OR9Q1: variants seen among roughly 807,000 people sequenced by gnomAD.
OR9Q1 encodes the protein olfactory receptor family 9 subfamily Q member 1.
For synonymous variants in OR9Q1, 153 were observed against 148.6 expected, an observed-to-expected ratio of 1.03 and a Z score of -0.22; for missense variants, 374 against 378.8, an observed-to-expected ratio of 0.99 and a Z score of 0.11.
chr11:58,089,977 G>C (rs1241400459), intron 2 of OR9Q1, among the ~76,000 whole-genome samples: 2 of 152,086 alleles, frequency 1.3e-5, no homozygotes. Flanking sequence ...GATTGTTTGT[G>C]ATTTTTGCAC....
At chr11:58,037,081 A>T (rs1853107084) in intron 1 of OR9Q1, among the ~76,000 whole-genome samples, 1 of 152,212 alleles carries the variant, frequency 6.6e-6, no homozygotes, top group Non-Finnish European at 1.5e-5. Context: ...GTCTTGTTTT[A>T]ATAAAGCCAC....
intron 2 of OR9Q1, chr11:58,109,767 T>C (rs1408872025): frequency 5.6e-6 from 2 of 358,042 alleles, no homozygotes; most frequent in East Asian, 1.5e-4. Context: ...TGTCCCAGCC[T>C]CTGCTCAGAG....
At chr11:58,140,512 C>T (rs1161696401) in intron 2 of OR9Q1, among the ~76,000 whole-genome samples, 1 of 152,120 alleles carries the variant, frequency 6.6e-6, no homozygotes, top group Non-Finnish European at 1.5e-5. Flanking sequence ...TATGGCTAGC[C>T]AGTTTTCCCA....
At chr11:58,147,422 C>G (rs1476693418) in intron 2 of OR9Q1, among the ~76,000 whole-genome samples, 2 of 152,112 alleles carry the variant, frequency 1.3e-5, no homozygotes, top group African/African-American at 4.8e-5. Flanking sequence ...AGAAACCACC[C>G]CTTACTGGGC....
chr11:58,144,090 C>T lies in OR9Q1; in HGVS notation c.-14-35341C>T, dbSNP rs1057427205. On this transcript the variant is annotated intron_variant, in intron 2 of 2. Transcript: ENST00000335397. ...ATGTGCACAATGTACAGGTTTGTTA[C>T]ATATGTATACATGTGCCATGTTGGT... 5.7e-4 allele frequency among the ~76,000 whole-genome samples: 87 copies of T among 151,810 alleles called. 1 individual carries two copies. The Middle Eastern group carries it at 0.01, about 18-fold the overall frequency.
In OR9Q1 at chr11:58,181,102, C is replaced by G. The variant is rs1371485545; in HGVS notation, c.*725C>G. 6.0e-6 allele frequency: 1 copy of G among 167,050 alleles called. No homozygotes were observed. The highest frequency in any genetic ancestry group is 1.5e-5 in the Non-Finnish European group (1 of 68,134). 10.3% of individuals were successfully genotyped at this position (167,050 alleles called of 1,614,324 possible). A position where few individuals can be genotyped will look rare whatever the true frequency, so the allele number is the denominator to read the frequency against. On this transcript the variant is annotated 3_prime_UTR_variant, in exon 3 of 3. Coordinates refer to ENST00000335397, the MANE Select transcript of OR9Q1 (RefSeq NM_001005212.4). Reference sequence around the variant, plus strand: ...TTTAACAATGCCTACAATAACATGTCTGTCAATTGCTATCACCTCTGGATA... The same window carrying G: ...TTTAACAATGCCTACAATAACATGTGTGTCAATTGCTATCACCTCTGGATA...
Position 58,179,439 on chromosome 11 carries a change from G to A in OR9Q1, c.-6G>A. Reference sequence around the variant, plus strand: ...CATTCTACATGTCTCAGGGACCACTGGTGTCATGGCAGAGATGAACCTCAC... The same window carrying A: ...CATTCTACATGTCTCAGGGACCACTAGTGTCATGGCAGAGATGAACCTCAC... On this transcript the variant is annotated 5_prime_UTR_variant, in exon 3 of 3. Transcript: ENST00000335397. 1 of 1,546,990 alleles carries A rather than the reference G, an allele frequency of 6.5e-7. No individual in the cohort carries two copies. The highest frequency in any genetic ancestry group is 8.7e-7 in the Non-Finnish European group (1 of 1,144,988).
intron 2 of OR9Q1, among the ~76,000 whole-genome samples, chr11:58,111,347 ACTGTGATTATT>A (rs2120110167): frequency 6.6e-6 from 1 of 152,236 alleles, no homozygotes; most frequent in East Asian, 1.9e-4. Flanking sequence ...CACTGCTTTT[ACTGTGATTATT>A]CTGTGCTTCA....
chr11:58,100,601 TTTTATA>T (rs1451528729), intron 2 of OR9Q1, among the ~76,000 whole-genome samples: 2 of 152,282 alleles, frequency 1.3e-5, no homozygotes, highest in African/African-American at 4.8e-5. Flanking sequence ...CCACTATTTC[TTTTATA>T]TTTATATTTA....
chr11:58,048,971 A>C (rs1478830093), intron 1 of OR9Q1, among the ~76,000 whole-genome samples: 40 of 27,238 alleles, frequency 1.5e-3, no homozygotes, highest in African/African-American at 5.4e-3. Flanking sequence ...ACCAACCAAA[A>C]AGAGTCCAGG....
At chr11:58,026,354 T>A (rs1364827158) in intron 1 of OR9Q1, among the ~76,000 whole-genome samples, 1 of 152,174 alleles carries the variant, frequency 6.6e-6, no homozygotes, top group Non-Finnish European at 1.5e-5. Context: ...TTCCCAACTT[T>A]TATATTCAAT....
chr11:58,098,232 T>TATA lies in OR9Q1; in HGVS notation c.-15+42285_-15+42286insATA, dbSNP rs539192906. On this transcript the variant is annotated intron_variant, in intron 2 of 2. Transcript: ENST00000335397. ...TCGTGGGGATGGAGTGGGAGTGAAG[T>TATA]GTTCTTAATTATAGATTCAATTTCT... is the stretch of plus-strand genomic sequence containing the variant. Among the ~76,000 whole-genome samples, 470 of 152,314 alleles carry TATA rather than the reference T, an allele frequency of 3.1e-3. 1 individual carries two copies. The highest frequency in any genetic ancestry group is 5.1e-3 in the Non-Finnish European group (349 of 68,016).
At chr11:58,074,494 T>G (rs747354716) in intron 2 of OR9Q1, among the ~76,000 whole-genome samples, 3 of 152,218 alleles carry the variant, frequency 2.0e-5, no homozygotes, top group Non-Finnish European at 4.4e-5. Context: ...CCTTGTAGAT[T>G]CTGGATATTA....
chr11:58,059,486 A>G (rs534793505), intron 2 of OR9Q1, among the ~76,000 whole-genome samples: 2 of 152,084 alleles, frequency 1.3e-5, no homozygotes, highest in Non-Finnish European at 2.9e-5. Flanking sequence ...AATTGAGGTC[A>G]GGAGTTCGAG....
chr11:58,152,803 C>CT (rs572534222), intron 2 of OR9Q1, among the ~76,000 whole-genome samples: 6 of 151,950 alleles, frequency 3.9e-5, no homozygotes, highest in South Asian at 2.1e-4. Context: ...AATTATTTAC[C>CT]TTTTTTTTAG....
rs779973153 is a variant in OR9Q1, at chr11:58,180,101, G to A, written c.657G>A (p.Leu219=). ...ASMVVILVSY[L]FIIVAIMGIP... is the part of the protein sequence containing the mutation. ...TGGTGGTGATCTTGGTGTCCTACCT[G>A]TTTATCATCGTGGCCATCATGGGGA... Residue 219 remains leucine, a synonymous_variant, in exon 3 of 3, where the codon CTG becomes CTA. Transcript: ENST00000335397. 1.9e-6 allele frequency: 3 copies of A among 1,614,008 alleles called. No homozygotes were observed. The highest frequency in any genetic ancestry group is 2.2e-5 in the South Asian group (2 of 91,072).
chr11:58,139,714 T>C (rs570291399), intron 2 of OR9Q1, among the ~76,000 whole-genome samples: 257 of 152,274 alleles, frequency 1.7e-3, no homozygotes, highest in African/African-American at 5.5e-3. Flanking sequence ...TCCAAGTCTT[T>C]GCTATTGTGA....
chr11:58,129,255 G>T (rs906001858), intron 2 of OR9Q1, among the ~76,000 whole-genome samples: 1 of 142,990 alleles, frequency 7.0e-6, no homozygotes, highest in Non-Finnish European at 1.5e-5. Flanking sequence ...GTGTGTGTGT[G>T]TGTGTGTGTG....
At chr11:58,131,404 A>G (rs1447290965) in intron 2 of OR9Q1, among the ~76,000 whole-genome samples, 1 of 152,168 alleles carries the variant, frequency 6.6e-6, no homozygotes, top group Non-Finnish European at 1.5e-5. Context: ...ACATGTAAGG[A>G]TAAGAAATAT....
Sources: allele counts gnomAD v4.1 joint callset (sites outside exome capture counted in the v4.1 genomes callset), GRCh38; gene constraint gnomAD v4.1.1; transcripts MANE v1.5; gene names NCBI Gene and HGNC (gene_info 2026-07-23, HGNC 2026-07-21).